Variants in ADARB1 observed in about 807,000 individuals in gnomAD.
ADARB1 encodes adenosine deaminase RNA specific B1, also known as double-stranded RNA-specific editase 1.
A neutral mutation model predicts 52.4 loss-of-function variants in ADARB1; 10 were observed. That is an observed-to-expected ratio of 0.19 (90% CI 0.12 to 0.32). The LOEUF is 0.32. Among genes scored for constraint, ADARB1 ranks in the 10% least tolerant of loss-of-function variants. ADARB1 has a pLI of 1.00. For missense variants in ADARB1, 643 were observed against 922.3 expected, an observed-to-expected ratio of 0.70 and a Z score of 3.92; for synonymous variants, 349 against 371.1, an observed-to-expected ratio of 0.94 and a Z score of 0.68.
chr21:45,084,591 G>C (rs950192055), intron 1 of ADARB1, among the ~76,000 whole-genome samples: 1 of 152,142 alleles, frequency 6.6e-6, no homozygotes, highest in Admixed American at 6.5e-5. Context: ...ATTGAGCAGG[G>C]GTTGTTTTTC....
intron 9 of ADARB1, among the ~76,000 whole-genome samples, chr21:45,215,370 C>T (rs897693323): frequency 1.3e-5 from 2 of 152,270 alleles, no homozygotes; most frequent in East Asian, 3.9e-4. Flanking sequence ...TTACAGATGT[C>T]TTTATCAGCT....
At chr21:45,127,962 C>G (rs2088695347) in intron 1 of ADARB1, among the ~76,000 whole-genome samples, 1 of 152,196 alleles carries the variant, frequency 6.6e-6, no homozygotes, top group African/African-American at 2.4e-5. Context: ...CAGAGGTGGC[C>G]TGTAGCTTCC....
At chr21:45,175,357 A>G (rs572384325) in intron 3 of ADARB1, among the ~76,000 whole-genome samples, 11 of 152,300 alleles carry the variant, frequency 7.2e-5, no homozygotes, top group African/African-American at 2.4e-4. Flanking sequence ...ATTTCATTAG[A>G]CTTATTAATG....
intron 9 of ADARB1, among the ~76,000 whole-genome samples, chr21:45,217,514 A>G (rs1159277828): frequency 6.6e-6 from 1 of 152,126 alleles, no homozygotes; most frequent in Non-Finnish European, 1.5e-5. Context: ...CCTTTGTGGT[A>G]TTGTTTTCAG....
chr21:45,099,509 A>AT (rs2086908293), intron 1 of ADARB1, among the ~76,000 whole-genome samples: 3 of 38,506 alleles, frequency 7.8e-5, no homozygotes, highest in Admixed American at 4.4e-4. Flanking sequence ...TACTAAAAGT[A>AT]CAAAAAAAAT....
intron 5 of ADARB1, among the ~76,000 whole-genome samples, chr21:45,180,778 C>T (rs914699261): frequency 6.6e-6 from 1 of 152,192 alleles, no homozygotes; most frequent in Non-Finnish European, 1.5e-5. Flanking sequence ...TAGAGCCTAT[C>T]TATTGTATCA....
rs547434273 is a variant in ADARB1 at position 45,150,283 on chromosome 21, A to G, written c.-47-21327A>G. On this transcript the variant is annotated intron_variant, in intron 2 of 10. Coordinates refer to ENST00000348831, the MANE Select transcript of ADARB1 (RefSeq NM_001112.4). The stretch of plus-strand genomic sequence containing the variant: ...AGCAAAACTCTGTCTCAGACAAACA[A>G]ACAAACAAAAATGTCATTGAATTTG... Among the ~76,000 whole-genome samples, 5 of 152,338 alleles carry G rather than the reference A, an allele frequency of 3.3e-5. No individual in the cohort carries two copies. In the East Asian group the frequency reaches 7.7e-4, roughly 23 times the overall value.
intron 1 of ADARB1, among the ~76,000 whole-genome samples, chr21:45,103,241 C>T (rs989205965): frequency 2.0e-5 from 3 of 151,956 alleles, no homozygotes; most frequent in South Asian, 2.1e-4. Flanking sequence ...AATACTGGTC[C>T]GTTAAACCAG....
chr21:45,183,460 C>G lies in ADARB1; in HGVS notation c.1346C>G (p.Ser449Cys). ...CAGTTTCATCTGTACATCAGCACCT[C>G]TCCCTGTGGAGATGCCAGAATCTTC... ...NVQFHLYIST[S>C]PCGDARIFSP... is the part of the protein sequence containing the mutation. The change falls in exon 7 of 11, where the codon TCT becomes TGT. Residue 449 changes from serine (S) to cysteine (C), a missense_variant. This residue lies in a region of ADARB1 where 263 missense variants were observed against 475.8 expected (regional missense o/e 0.55). Transcript: ENST00000348831. The G allele has an allele frequency of 6.2e-7, 1 of 1,612,984 alleles. No individual in the cohort carries two copies. Among genetic ancestry groups the G allele is most frequent in the East Asian group, 2.2e-5 (1 of 44,822 alleles).
rs56113860 is a variant in ADARB1, at chr21:45,124,787, A to ATGTGTGTGTG, written c.-219-3594_-219-3585dup. Reference sequence around the variant, plus strand: ...AAATGGTGTGTGTGTGTGTGTGTGTATGTGTGTGTGTGTGTGTGTGTGTGT... The same window carrying ATGTGTGTGTG: ...AAATGGTGTGTGTGTGTGTGTGTGTATGTGTGTGTGTGTGTGTGTGTGTGTGTGTGTGTGT... On this transcript the variant is annotated intron_variant, in intron 1 of 10. Coordinates refer to ENST00000348831, the MANE Select transcript of ADARB1 (RefSeq NM_001112.4). 9.5e-3 allele frequency among the ~76,000 whole-genome samples: 1,286 copies of ATGTGTGTGTG among 135,782 alleles called. 15 individuals are homozygous for ATGTGTGTGTG. Among genetic ancestry groups the ATGTGTGTGTG allele is most frequent in the Admixed American group, 0.015 (212 of 13,818 alleles). 89.1% of individuals were successfully genotyped at this position (135,782 alleles called of 152,430 possible).
At chr21:45,154,797 C>T (rs947401922) in intron 2 of ADARB1, among the ~76,000 whole-genome samples, 2 of 152,138 alleles carry the variant, frequency 1.3e-5, no homozygotes, top group African/African-American at 4.8e-5. Flanking sequence ...ACACTGCCAC[C>T]CTGGCAGATG....
At chr21:45,111,650 G>A (rs2087540585) in intron 1 of ADARB1, among the ~76,000 whole-genome samples, 1 of 152,182 alleles carries the variant, frequency 6.6e-6, no homozygotes, top group Non-Finnish European at 1.5e-5. Flanking sequence ...ATGTGTTTTT[G>A]TGTGTTTTCT....
chr21:45,138,922 C>CTTTT (rs5844226), intron 2 of ADARB1, among the ~76,000 whole-genome samples: 1 of 141,444 alleles, frequency 7.1e-6, no homozygotes, highest in Non-Finnish European at 1.5e-5. Flanking sequence ...TTGTTGTCTT[C>CTTTT]TTTTTTTTTT....
At chr21:45,165,108 C>T (rs2091193479) in intron 2 of ADARB1, among the ~76,000 whole-genome samples, 1 of 152,182 alleles carries the variant, frequency 6.6e-6, no homozygotes, top group African/African-American at 2.4e-5. Context: ...CTAGAGTTGC[C>T]TTGCTGGGCC....
In ADARB1 at chr21:45,204,771, G is replaced by A. The variant is rs751956864; in HGVS notation, c.1747+35G>A. On this transcript the variant is annotated intron_variant, in intron 9 of 10. Coordinates refer to ENST00000348831, the MANE Select transcript of ADARB1 (RefSeq NM_001112.4). This position sits in a 1 kb window ranked among gnomAD's most constrained non-coding sequence, Gnocchi z 4.4. ...TCTAGAGTGTGCTGATTTAATCTCT[G>A]TCTTGATTTTGCAATGTTTTCATCC... is the stretch of plus-strand genomic sequence containing the variant. 13 of 1,597,716 alleles carry A rather than the reference G, an allele frequency of 8.1e-6. No homozygotes were observed. The South Asian group carries it at 1.5e-4, about 18-fold the overall frequency.
intron 1 of ADARB1, among the ~76,000 whole-genome samples, chr21:45,119,786 C>G (rs764347479): frequency 5.8e-4 from 89 of 152,196 alleles, no homozygotes; most frequent in Non-Finnish European, 2.4e-4. Flanking sequence ...AAAATCATGG[C>G]TCCTGAAACT....
chr21:45,150,026 G>A (rs2090203992), intron 2 of ADARB1, among the ~76,000 whole-genome samples: 2 of 152,382 alleles, frequency 1.3e-5, no homozygotes, highest in African/African-American at 2.4e-5. Flanking sequence ...GCTCACGCCT[G>A]TAGTCCCAGC....
At chr21:45,178,900 G>A (rs1428369573) in intron 4 of ADARB1, among the ~76,000 whole-genome samples, 2 of 152,160 alleles carry the variant, frequency 1.3e-5, no homozygotes, top group East Asian at 3.8e-4. Flanking sequence ...ATCAGCCCCA[G>A]CACCAGACCT....
chr21:45,173,074 C>T lies in ADARB1; in HGVS notation c.28+1390C>T, dbSNP rs138828845. Reference sequence around the variant, plus strand: ...CTGTGTCAGGACTGTGGCCTACAGCCTACAGCTGCAGTCACCTCGCATAGA... The same window carrying T: ...CTGTGTCAGGACTGTGGCCTACAGCTTACAGCTGCAGTCACCTCGCATAGA... On this transcript the variant is annotated intron_variant, in intron 3 of 10. Coordinates refer to ENST00000348831, the MANE Select transcript of ADARB1 (RefSeq NM_001112.4). 6.7e-3 allele frequency among the ~76,000 whole-genome samples: 1,025 copies of T among 152,334 alleles called. 6 individuals carry two copies. Among genetic ancestry groups the T allele is most frequent in the Non-Finnish European group, 9.8e-3 (664 of 68,040 alleles).
Sources: allele counts gnomAD v4.1 joint callset (sites outside exome capture counted in the v4.1 genomes callset), GRCh38; gene constraint gnomAD v4.1.1; regional missense constraint gnomAD v4.1.1; non-coding constraint Gnocchi (gnomAD v3.1); transcripts MANE v1.5; gene names NCBI Gene and HGNC (gene_info 2026-07-23, HGNC 2026-07-21).